SNTG2: variants seen among roughly 807,000 people sequenced by gnomAD.
SNTG2 encodes gamma-2-syntrophin.
SNTG2 carries 74 observed loss-of-function variants against 70.9 expected under a neutral mutation model. The ratio of observed to expected loss-of-function variants is 1.04; its 90% CI spans 0.86 to 1.27. The LOEUF (loss-of-function observed/expected upper bound fraction) is 1.27. Among genes scored for constraint, SNTG2 ranks in the 50% most tolerant of loss-of-function variants. The pLI, the probability that SNTG2 is intolerant of heterozygous loss-of-function variation, is 0.00. For missense variants in SNTG2, 717 were observed against 690.7 expected, an observed-to-expected ratio of 1.04 and a Z score of -0.43; for synonymous variants, 278 against 273.8, an observed-to-expected ratio of 1.02 and a Z score of -0.15.
At chr2:1,293,406 T>C (rs530311326) in intron 14 of SNTG2, among the ~76,000 whole-genome samples, 1 of 152,212 alleles carries the variant, frequency 6.6e-6, no homozygotes, top group East Asian at 1.9e-4. Context: ...GATTTGCGTT[T>C]AGCGTGTTTT....
intron 16 of SNTG2, among the ~76,000 whole-genome samples, chr2:1,349,463 C>T (rs1370562748): frequency 6.6e-6 from 1 of 152,180 alleles, no homozygotes; most frequent in East Asian, 1.9e-4. Context: ...CCTTGTGGCC[C>T]TTCATTAATT....
intron 8 of SNTG2, among the ~76,000 whole-genome samples, chr2:1,177,540 A>G (rs1236991695): frequency 6.6e-6 from 1 of 152,088 alleles, no homozygotes; most frequent in Non-Finnish European, 1.5e-5. Flanking sequence ...AAAGAAAATG[A>G]TAGTAAAATT....
intron 9 of SNTG2, among the ~76,000 whole-genome samples, chr2:1,225,241 A>T (rs546656501): frequency 1.3e-5 from 2 of 152,332 alleles, no homozygotes; most frequent in Non-Finnish European, 2.9e-5. Context: ...CCACTGCAGC[A>T]TATAAAGTAA....
In SNTG2 at chr2:975,010, G is replaced by A. The variant is rs1290834890; in HGVS notation, c.72+23942G>A. Reference sequence around the variant, plus strand: ...GAAACAGAGAGTGCATGAAGAAGGTGAAACATACACATGGATATCACACAC... The same window carrying A: ...GAAACAGAGAGTGCATGAAGAAGGTAAAACATACACATGGATATCACACAC... On this transcript the variant is annotated intron_variant, in intron 1 of 16. Transcript: ENST00000308624. Among the ~76,000 whole-genome samples, 3 of 152,062 alleles carry A rather than the reference G, an allele frequency of 2.0e-5. No individual in the cohort carries two copies. The East Asian group carries it at 5.8e-4, about 29-fold the overall frequency.
intron 1 of SNTG2, among the ~76,000 whole-genome samples, chr2:1,080,297 A>G (rs891463988): frequency 2.0e-5 from 3 of 152,184 alleles, no homozygotes; most frequent in African/African-American, 4.8e-5. Context: ...CTCTGTATGC[A>G]CTCAGAGTGA....
rs144025711 is a variant in SNTG2 at position 1,297,997 on chromosome 2, C to T, written c.1285-10497C>T. On this transcript the variant is annotated intron_variant, in intron 14 of 16. Coordinates refer to ENST00000308624, the MANE Select transcript of SNTG2 (RefSeq NM_018968.4). ...CCATTGCCCAGGGCTCTATGTGTTACAAAGAGCAGAGAGCTGCAAGGGGTG... is the reference window on the plus strand; with the variant it reads ...CCATTGCCCAGGGCTCTATGTGTTATAAAGAGCAGAGAGCTGCAAGGGGTG... Among the ~76,000 whole-genome samples, 685 of 152,266 alleles carry T rather than the reference C, an allele frequency of 4.5e-3. 6 individuals carry two copies. Among genetic ancestry groups the T allele is most frequent in the African/African-American group, 0.015 (643 of 41,558 alleles).
chr2:1,223,713 T>A (rs182408654), intron 9 of SNTG2, among the ~76,000 whole-genome samples: 96 of 151,606 alleles, frequency 6.3e-4, no homozygotes, highest in Middle Eastern at 3.4e-3. Flanking sequence ...GTGGAAAGAG[T>A]GGATGGAGAA....
At chr2:1,134,229 A>C (rs1668211555) in intron 4 of SNTG2, among the ~76,000 whole-genome samples, 2 of 152,222 alleles carry the variant, frequency 1.3e-5, no homozygotes, top group South Asian at 4.2e-4. Flanking sequence ...AAAAGAACAA[A>C]GCTTCCACAG....
intron 2 of SNTG2, among the ~76,000 whole-genome samples, chr2:1,089,677 G>C (rs1664896835): frequency 6.6e-6 from 1 of 152,216 alleles, no homozygotes; most frequent in Non-Finnish European, 1.5e-5. Context: ...GTGTACGAGG[G>C]TGTGTGCACA....
At chr2:971,502 C>G (rs1660738265) in intron 1 of SNTG2, among the ~76,000 whole-genome samples, 1 of 151,472 alleles carries the variant, frequency 6.6e-6, no homozygotes, top group South Asian at 2.1e-4. Flanking sequence ...GTGGTAATGT[C>G]TTTTTTGTCA....
At chr2:1,219,508 CA>C (rs1674613002) in intron 9 of SNTG2, among the ~76,000 whole-genome samples, 1 of 152,194 alleles carries the variant, frequency 6.6e-6, no homozygotes, top group Non-Finnish European at 1.5e-5. Context: ...TTCTGTGCAT[CA>C]CTTTGCAACT....
At chr2:1,232,670 A>G (rs1474429278) in intron 9 of SNTG2, among the ~76,000 whole-genome samples, 4 of 152,222 alleles carry the variant, frequency 2.6e-5, no homozygotes, top group Non-Finnish European at 5.9e-5. Context: ...TTAATATTTA[A>G]TATGGACTAT....
At chr2:1,001,329 T>C (rs1394976538) in intron 1 of SNTG2, among the ~76,000 whole-genome samples, 1 of 152,066 alleles carries the variant, frequency 6.6e-6, no homozygotes, top group Non-Finnish European at 1.5e-5. Context: ...TGTCAAATTA[T>C]CTCTGTTTGC....
chr2:1,209,250 G>A lies in SNTG2; in HGVS notation c.719+20G>A. On this transcript the variant is annotated intron_variant, in intron 9 of 16. Coordinates refer to ENST00000308624, the MANE Select transcript of SNTG2 (RefSeq NM_018968.4). ...ATTAAGGTGTGTGACCATTGTCTGA[G>A]ATGGGAAACTTTGATGAACCCCGTG... The A allele has an allele frequency of 1.2e-6, 2 of 1,613,770 alleles. No individual in the cohort carries two copies. The highest frequency in any genetic ancestry group is 1.7e-6 in the Non-Finnish European group (2 of 1,179,738).
chr2:1,007,885 G>T (rs1370255310), intron 1 of SNTG2, among the ~76,000 whole-genome samples: 1 of 152,160 alleles, frequency 6.6e-6, no homozygotes, highest in Non-Finnish European at 1.5e-5. Flanking sequence ...TTCCTGAATA[G>T]CTGGGATTAC....
At chr2:1,044,816 A>G (rs1046134752) in intron 1 of SNTG2, among the ~76,000 whole-genome samples, 3 of 151,832 alleles carry the variant, frequency 2.0e-5, no homozygotes, top group African/African-American at 7.3e-5. Context: ...GGATTTTTTC[A>G]TCTGTGTTTA....
At chr2:962,009 A>G (rs923812880) in intron 1 of SNTG2, among the ~76,000 whole-genome samples, 1 of 152,264 alleles carries the variant, frequency 6.6e-6, no homozygotes, top group Non-Finnish European at 1.5e-5. Context: ...GTTGAGAAAG[A>G]TGGAGTTGTA....
At chr2:1,234,669 C>G (rs948779132) in intron 9 of SNTG2, among the ~76,000 whole-genome samples, 1 of 152,194 alleles carries the variant, frequency 6.6e-6, no homozygotes, top group East Asian at 1.9e-4. Context: ...GCCCCTCGTG[C>G]GAGTCCGTGA....
chr2:1,329,967 G>A (rs1255173758), intron 16 of SNTG2, among the ~76,000 whole-genome samples: 1 of 152,196 alleles, frequency 6.6e-6, no homozygotes, highest in Non-Finnish European at 1.5e-5. Context: ...GAATTTATGG[G>A]AAGAGTAAAA....
Sources: allele counts gnomAD v4.1 joint callset (sites outside exome capture counted in the v4.1 genomes callset), GRCh38; gene constraint gnomAD v4.1.1; transcripts MANE v1.5; gene names NCBI Gene and HGNC (gene_info 2026-07-23, HGNC 2026-07-21).